Variants in KAT2B observed in about 807,000 individuals in gnomAD.
The protein encoded by KAT2B is histone acetyltransferase KAT2B.
KAT2B carries 36 observed loss-of-function variants against 105.9 expected under a neutral mutation model. The observed-to-expected ratio is 0.34, with a 90% CI of 0.26 to 0.45. The LOEUF (loss-of-function observed/expected upper bound fraction) is 0.45. Among genes scored for constraint, KAT2B ranks in the 20% least tolerant of loss-of-function variants. KAT2B has a pLI of 1.00. For missense variants in KAT2B, 820 were observed against 1,021.6 expected, an observed-to-expected ratio of 0.80 and a Z score of 2.69; for synonymous variants, 397 against 377.9, an observed-to-expected ratio of 1.05 and a Z score of -0.59.
intron 5 of KAT2B, among the ~76,000 whole-genome samples, chr3:20,104,923 G>A (rs1698973595): frequency 6.9e-6 from 1 of 144,544 alleles, no homozygotes; most frequent in South Asian, 2.2e-4. Flanking sequence ...GTCTCACTCT[G>A]TTGTCCAGGC....
At chr3:20,062,025 C>CAATATATATTATATATAAAACAT (rs1698119997) in intron 1 of KAT2B, among the ~76,000 whole-genome samples, 5 of 36,872 alleles carry the variant, frequency 1.4e-4, no homozygotes, top group African/African-American at 1.1e-3. Context: ...ATATATAAAA[C>CAATATATATTATATATAAAACAT]ATAATATATA....
At chr3:20,118,124 A>G (rs1196601219) in intron 7 of KAT2B, among the ~76,000 whole-genome samples, 1 of 148,728 alleles carries the variant, frequency 6.7e-6, no homozygotes, top group Non-Finnish European at 1.5e-5. Flanking sequence ...AGTTATTTAC[A>G]TGTATATATA....
At chr3:20,107,179 C>T (rs1349771192) in intron 5 of KAT2B, among the ~76,000 whole-genome samples, 3 of 147,722 alleles carry the variant, frequency 2.0e-5, no homozygotes, top group Non-Finnish European at 4.5e-5. Flanking sequence ...TACAGGCATG[C>T]GCCACCACAG....
intron 1 of KAT2B, among the ~76,000 whole-genome samples, chr3:20,049,491 G>A (rs901360059): frequency 1.3e-5 from 2 of 152,208 alleles, no homozygotes; most frequent in African/African-American, 2.4e-5. Context: ...ACTCATGAAA[G>A]CGTCTGCCCA....
In KAT2B at chr3:20,072,552, T is replaced by C. The variant is rs3828349; in HGVS notation, c.430+93T>C. The C allele has an allele frequency of 0.42, 510,582 of 1,216,184 alleles. 108,726 individuals carry two copies. The highest frequency in any genetic ancestry group is 0.51 in the South Asian group (41,079 of 80,118). The allele number at this position is 1,216,184 out of a possible 1,614,324, so 75.3% of individuals were successfully genotyped here. A position where few individuals can be genotyped will look rare whatever the true frequency, so the allele number is the denominator to read the frequency against. ...ATTCTGTGGGTTCACCAAATTTGAATGCTGTGTACCTCTGTATGAGAGCAA... is the reference window on the plus strand; with the variant it reads ...ATTCTGTGGGTTCACCAAATTTGAACGCTGTGTACCTCTGTATGAGAGCAA... On this transcript the variant is annotated intron_variant, in intron 2 of 17. Coordinates refer to ENST00000263754, the MANE Select transcript of KAT2B (RefSeq NM_003884.5).
intron 11 of KAT2B, among the ~76,000 whole-genome samples, chr3:20,134,334 C>T (rs1699562906): frequency 1.3e-5 from 2 of 152,226 alleles, no homozygotes; most frequent in Admixed American, 6.5e-5. Flanking sequence ...TCCTTTTCCT[C>T]TATTCGTCTT....
intron 1 of KAT2B, 101 bp from the exon 2 acceptor site, chr3:20,072,232 G>T: frequency 8.2e-7 from 1 of 1,214,016 alleles, no homozygotes; most frequent in South Asian, 1.3e-5. Flanking sequence ...AGGGGTGAGG[G>T]GATAGCTGTC....
rs759879850 is a variant in KAT2B at position 20,101,308 on chromosome 3, T to C, written c.691T>C (p.Tyr231His). ...TAAGGGTGTGAATAACTTTGTGCAGTACAAATTTAGTCACCTGCCAGCAAA... is the reference window on the plus strand; with the variant it reads ...TAAGGGTGTGAATAACTTTGTGCAGCACAAATTTAGTCACCTGCCAGCAAA... Reference protein sequence around the residue: ...IEQGVNNFVQYKFSHLPAKER... With the variant: ...IEQGVNNFVQHKFSHLPAKER... The change falls in exon 5 of 18, where the codon TAC becomes CAC. Residue 231 changes from tyrosine to histidine, a missense_variant. Tyr to His is a moderately conservative substitution (Grantham distance 83). Transcript: ENST00000263754. The C allele has an allele frequency of 1.9e-6, 3 of 1,614,006 alleles. No homozygotes were observed. The South Asian group carries it at 3.3e-5, about 18-fold the overall frequency.
At chr3:20,050,162 T>C (rs1419223935) in intron 1 of KAT2B, among the ~76,000 whole-genome samples, 1 of 148,884 alleles carries the variant, frequency 6.7e-6, no homozygotes, top group African/African-American at 2.5e-5. Context: ...ATCATACCAC[T>C]GCACTCTAGC....
chr3:20,060,308 TA>T (rs1164524778), intron 1 of KAT2B, among the ~76,000 whole-genome samples: 1 of 152,130 alleles, frequency 6.6e-6, no homozygotes, highest in Non-Finnish European at 1.5e-5. Context: ...TGTTGTTTCT[TA>T]AAAAACTGTG....
intron 1 of KAT2B, among the ~76,000 whole-genome samples, chr3:20,041,228 A>G (rs1004469497): frequency 2.3e-4 from 35 of 152,112 alleles, no homozygotes; most frequent in African/African-American, 7.9e-4. Context: ...AACTGGGTGC[A>G]AGGAGTGGGG....
In KAT2B at chr3:20,133,794, G is replaced by C. The variant is rs187993966; in HGVS notation, c.1750-3148G>C. ...TTCCCCCTACCATTGCTGGCACTGG[G>C]TACATAAACTGTAAACGTATTTGCA... On this transcript the variant is annotated intron_variant, in intron 11 of 17. Coordinates refer to ENST00000263754, the MANE Select transcript of KAT2B (RefSeq NM_003884.5). Among the ~76,000 whole-genome samples the C allele has an allele frequency of 2.8e-3, 424 of 152,208 alleles. 4 individuals carry two copies. The highest frequency in any genetic ancestry group is 1.4e-3 in the Non-Finnish European group (95 of 68,032).
chr3:20,040,705 C>G lies in KAT2B; in HGVS notation c.228C>G (p.Ala76=). 3 of 1,589,546 alleles carry G rather than the reference C, an allele frequency of 1.9e-6. No individual in the cohort carries two copies. Among genetic ancestry groups the G allele is most frequent in the Non-Finnish European group, 2.6e-6 (3 of 1,171,594 alleles). The change falls in exon 1 of 18, where the codon GCC becomes GCG. Residue 76 remains alanine (A), a synonymous_variant. Transcript: ENST00000263754. ...GPGGGGSARI[A]VKKAQLRSAP... ...GAGGCGGTGGCTCGGCCCGAATCGCCGTGAAGAAAGCGCAACTACGCTCCG... is the reference window on the plus strand; with the variant it reads ...GAGGCGGTGGCTCGGCCCGAATCGCGGTGAAGAAAGCGCAACTACGCTCCG...
At chr3:20,072,523 C>T in intron 2 of KAT2B, 64 bp downstream of exon 2, 3 of 1,526,970 alleles carry the variant, frequency 2.0e-6, no homozygotes, top group East Asian at 4.5e-5. Context: ...TCTTAACTTA[C>T]TGAATTCTGT....
chr3:20,140,499 T>TTC, intron 13 of KAT2B, 135 bp downstream of exon 13: 1 of 817,714 alleles, frequency 1.2e-6, no homozygotes, highest in Non-Finnish European at 1.9e-6. Flanking sequence ...TCTAGATTTC[T>TTC]TCTCTCTCTC....
At position 20,062,342 on chromosome 3, in the gene KAT2B, AATATATAATATATTTT is replaced by A. The variant is rs1480100957; in HGVS notation, c.304-9981_304-9966del. Among the ~76,000 whole-genome samples, 5 of 87,016 alleles carry A rather than the reference AATATATAATATATTTT, an allele frequency of 5.7e-5. No individual in the cohort carries two copies. The East Asian group carries it at 1.4e-3, about 24-fold the overall frequency. 57.1% of individuals were successfully genotyped at this position (87,016 alleles called of 152,430 possible). On this transcript the variant is annotated intron_variant, in intron 1 of 17. Coordinates refer to ENST00000263754, the MANE Select transcript of KAT2B (RefSeq NM_003884.5). The stretch of plus-strand genomic sequence containing the variant: ...AAAATATTTATTATGTATAAAATAT[AATATATAATATATTTT>A]ATATATAATTTATAATATATTATAT...
intron 5 of KAT2B, among the ~76,000 whole-genome samples, chr3:20,104,857 A>G (rs532091684): frequency 6.6e-6 from 1 of 151,106 alleles, no homozygotes; most frequent in Non-Finnish European, 1.5e-5. Context: ...GAAGAAAAGA[A>G]AAATATAAGT....
At chr3:20,083,667 A>G (rs1437225562) in intron 2 of KAT2B, among the ~76,000 whole-genome samples, 1 of 152,140 alleles carries the variant, frequency 6.6e-6, no homozygotes, top group East Asian at 1.9e-4. Flanking sequence ...CTAGGGGGCT[A>G]TTTTATTATA....
At chr3:20,067,419 A>G (rs1287534475) in intron 1 of KAT2B, among the ~76,000 whole-genome samples, 1 of 152,252 alleles carries the variant, frequency 6.6e-6, no homozygotes, top group East Asian at 1.9e-4. Flanking sequence ...ATGAGCCCCC[A>G]GTGAACACAG....
Sources: gnomAD v4.1 joint callset for allele counts (sites outside exome capture counted in the v4.1 genomes callset) on GRCh38, gnomAD v4.1.1 for gene constraint, MANE v1.5 for transcripts, NCBI Gene and HGNC (gene_info 2026-07-23, HGNC 2026-07-21) for gene names.